The following SLC37A2 variants were observed in gnomAD, a reference collection of about 807,000 sequenced individuals.
The protein encoded by SLC37A2 is glucose-6-phosphate exchanger SLC37A2.
A neutral mutation model predicts 70.7 loss-of-function variants in SLC37A2; 59 were observed. That is an observed-to-expected ratio of 0.83 (90% confidence interval 0.68 to 1.04). The LOEUF (loss-of-function observed/expected upper bound fraction) is 1.04. Ranked by LOEUF, SLC37A2 falls within the 50% of genes least tolerant of loss-of-function variation. The pLI, the probability that SLC37A2 is intolerant of heterozygous loss-of-function variation, is 0.00. For missense variants in SLC37A2, 580 were observed against 658.1 expected (o/e 0.88, Z 1.30); for synonymous variants, 257 against 262.1 (o/e 0.98, Z 0.19).
intron 16 of SLC37A2, 22 bp from the exon 17 acceptor site, chr11:125,085,932 C>G (rs1283252068): frequency 1.9e-6 from 3 of 1,611,896 alleles, no homozygotes; most frequent in East Asian, 4.5e-5. Context: ...CCTCCCTTCC[C>G]TCTGTGCCTT....
intron 1 of SLC37A2, among the ~76,000 whole-genome samples, chr11:125,076,501 G>C (rs936554281): frequency 2.0e-5 from 3 of 152,208 alleles, no homozygotes; most frequent in Non-Finnish European, 4.4e-5. Context: ...GCAGGCGGAG[G>C]TGCTTCTTGT....
At chr11:125,069,105 G>A (rs1002209306) in intron 1 of SLC37A2, among the ~76,000 whole-genome samples, 3 of 152,256 alleles carry the variant, frequency 2.0e-5, no homozygotes, top group Non-Finnish European at 4.4e-5. Flanking sequence ...AAACACTAAT[G>A]ATTGACTATA....
intron 1 of SLC37A2, among the ~76,000 whole-genome samples, chr11:125,075,052 C>G (rs146033183): frequency 0.012 from 1,758 of 152,228 alleles, 15 homozygotes; most frequent in Non-Finnish European, 0.016. Context: ...CAATGTGTAA[C>G]TGATGAGGAA....
At chr11:125,067,688 C>A (rs961224855) in intron 1 of SLC37A2, among the ~76,000 whole-genome samples, 1 of 152,174 alleles carries the variant, frequency 6.6e-6, no homozygotes, top group Non-Finnish European at 1.5e-5. Flanking sequence ...ATTTTGCCAA[C>A]TTTGGCAAAA....
intron 12 of SLC37A2, 80 bp downstream of exon 12, chr11:125,084,399 C>A: frequency 1.5e-6 from 2 of 1,352,980 alleles, no homozygotes; most frequent in Non-Finnish European, 2.1e-6. Context: ...TGCACGTCCA[C>A]GCGTTACACA....
intron 7 of SLC37A2, among the ~76,000 whole-genome samples, chr11:125,081,071 G>A (rs1272331512): frequency 6.6e-6 from 1 of 152,138 alleles, no homozygotes; most frequent in Non-Finnish European, 1.5e-5. Flanking sequence ...GATCAGGGAG[G>A]GTGGAGTTGA....
rs1026517707 is a variant in SLC37A2, at chr11:125,077,312, G to A, written c.224G>A (p.Trp75Ter). The A allele has an allele frequency of 6.2e-7, 1 of 1,605,600 alleles. No homozygotes were observed. Among genetic ancestry groups the A allele is most frequent in the Non-Finnish European group, 8.5e-7 (1 of 1,175,868 alleles). The change falls in exon 3 of 18, where the codon TGG becomes TAG. Residue 75 changes from tryptophan (W) to a stop codon, truncating the protein, a stop_gained. Coordinates refer to ENST00000403796, the MANE Select transcript of SLC37A2 (RefSeq NM_001145290.2). LOFTEE classifies it high-confidence loss of function. ...HSLNDTMWCS[W>*]APFDKDNYKE... ...CTCAATGACACCATGTGGTGCAGCT[G>A]GGCCCCATTTGGTAAGAACAGGGCA...
Position 125,077,442 on chromosome 11 carries a change from G to A in SLC37A2, c.236-8G>A. Reference sequence around the variant, plus strand: ...AGTCAGCTTTCTGTTTCTCCCATCTGCTTTCAGACAAGGACAACTATAAGG... The same window carrying A: ...AGTCAGCTTTCTGTTTCTCCCATCTACTTTCAGACAAGGACAACTATAAGG... On this transcript the variant is annotated splice_region_variant and splice_polypyrimidine_tract_variant and intron_variant, in intron 3 of 17. Transcript: ENST00000403796. The A allele has an allele frequency of 6.2e-7, 1 of 1,613,044 alleles. No individual in the cohort carries two copies.
chr11:125,081,301 G>C (rs958927440), intron 7 of SLC37A2, 120 bp from the exon 8 acceptor site: 1 of 978,142 alleles, frequency 1.0e-6, no homozygotes, highest in African/African-American at 1.7e-5. Context: ...CTTAGGAGCT[G>C]GAGGCGGGGC....
At chr11:125,082,982 C>G (rs1366571760) in intron 10 of SLC37A2, among the ~76,000 whole-genome samples, 1 of 152,202 alleles carries the variant, frequency 6.6e-6, no homozygotes, top group Non-Finnish European at 1.5e-5. Context: ...TCAGGCTGCT[C>G]TACCAAACAG....
chr11:125,072,293 T>G (rs1949036718), intron 1 of SLC37A2, among the ~76,000 whole-genome samples: 1 of 152,216 alleles, frequency 6.6e-6, no homozygotes, highest in Admixed American at 6.5e-5. Context: ...AAGAGTAGGT[T>G]GGACTGTCAG....
Position 125,079,213 on chromosome 11 carries a change from A to T in SLC37A2, c.416A>T (p.Asn139Ile). 1 of 1,614,164 alleles carries T rather than the reference A, an allele frequency of 6.2e-7. No individual in the cohort carries two copies. ...CTCTTTGGCCTGGGATATTTCTGGA[A>T]CATCCACGAGCTCTGGTACTTTGTG... ...TSLFGLGYFW[N>I]IHELWYFVVI... The change falls in exon 5 of 18, where the codon AAC becomes ATC. Residue 139 changes from asparagine (N) to isoleucine (I), a missense_variant. By Grantham distance (149) the Asn-to-Ile change is moderately radical. Coordinates refer to ENST00000403796, the MANE Select transcript of SLC37A2 (RefSeq NM_001145290.2).
intron 1 of SLC37A2, among the ~76,000 whole-genome samples, chr11:125,066,081 A>G (rs1948977511): frequency 6.6e-6 from 1 of 152,186 alleles, no homozygotes; most frequent in African/African-American, 2.4e-5. Context: ...TGGGTTAGCA[A>G]TCTCAAAAAC....
chr11:125,075,957 C>G (rs1416695789), intron 1 of SLC37A2, among the ~76,000 whole-genome samples: 1 of 152,154 alleles, frequency 6.6e-6, no homozygotes, highest in Non-Finnish European at 1.5e-5. Flanking sequence ...CCATGCATGT[C>G]CTGGCTCCTG....
Position 125,063,397 on chromosome 11 carries a change from G to T in SLC37A2, c.30G>T (p.Trp10Cys), listed in dbSNP as rs767126437. The T allele has an allele frequency of 5.9e-5, 95 of 1,611,886 alleles. No individual in the cohort carries two copies. The South Asian group carries it at 8.3e-4, about 14-fold the overall frequency. Residue 10 changes from tryptophan to cysteine, a missense_variant, in exon 1 of 18, where the codon TGG (tryptophan) becomes TGT (cysteine). Physicochemically the swap from Trp to Cys is radical, Grantham distance 215. Transcript: ENST00000403796. The surrounding 1 kb of genome is among the most constrained non-coding windows in gnomAD (Gnocchi z 5.4). ...GGTCCTCCCTGGCTCCGGGAGTCTGGTTCTTCCGGGCCTTCTCCAGGGACA... is the reference window on the plus strand; with the variant it reads ...GGTCCTCCCTGGCTCCGGGAGTCTGTTTCTTCCGGGCCTTCTCCAGGGACA... MRSSLAPGV[W>C]FFRAFSRDSW...
intron 4 of SLC37A2, 114 bp downstream of exon 4, chr11:125,077,642 C>A: frequency 4.1e-6 from 3 of 731,884 alleles, no homozygotes; most frequent in Non-Finnish European, 6.6e-6. Flanking sequence ...CATGTACAAT[C>A]CACCCACAGC....
At chr11:125,081,696 AGCTGGTGGGAG>A (rs1949152536) in intron 8 of SLC37A2, 47 bp from the exon 9 acceptor site, 2 of 1,515,136 alleles carry the variant, frequency 1.3e-6, no homozygotes, top group Non-Finnish European at 1.8e-6. Flanking sequence ...CTGCACCTTC[AGCTGGTGGGAG>A]GCAGCACATG....
rs1464107189 is a variant in SLC37A2 at position 125,063,739 on chromosome 11, G to A, written c.59+313G>A. On this transcript the variant is annotated intron_variant, in intron 1 of 17. Coordinates refer to ENST00000403796, the MANE Select transcript of SLC37A2 (RefSeq NM_001145290.2). This position sits in a 1 kb window ranked among gnomAD's most constrained non-coding sequence, Gnocchi z 5.4. ...TCCCCTCCTAACACACATCCGGGGCGCCTTCAGAGCGCCTTTCTGTCGTTG... is the reference window on the plus strand; with the variant it reads ...TCCCCTCCTAACACACATCCGGGGCACCTTCAGAGCGCCTTTCTGTCGTTG... Among the ~76,000 whole-genome samples the A allele has an allele frequency of 1.3e-5, 2 of 152,230 alleles. No homozygotes were observed. The highest frequency in any genetic ancestry group is 4.8e-5 in the African/African-American group (2 of 41,472).
Position 125,089,077 on chromosome 11 carries a change from A to T in SLC37A2, c.*943A>T, listed in dbSNP as rs7111308. ...TGGTTCATTCAGGCAGCTGCTGCAG[A>T]TGTGGTCACCTGGTGCCATCTGCTG... On this transcript the variant is annotated 3_prime_UTR_variant, in exon 18 of 18. Transcript: ENST00000403796. 1 of 152,170 alleles carries T rather than the reference A, an allele frequency of 6.6e-6. No individual in the cohort carries two copies. Among genetic ancestry groups the T allele is most frequent in the East Asian group, 1.9e-4 (1 of 5,142 alleles). 9.4% of individuals were successfully genotyped at this position (152,170 alleles called of 1,614,324 possible). A position where few individuals can be genotyped will look rare whatever the true frequency, so the allele number is the denominator to read the frequency against.
Sources: allele counts gnomAD v4.1 joint callset (sites outside exome capture counted in the v4.1 genomes callset), GRCh38; gene constraint gnomAD v4.1.1; non-coding constraint Gnocchi (gnomAD v3.1); transcripts MANE v1.5; gene names NCBI Gene and HGNC (gene_info 2026-07-23, HGNC 2026-07-21).